Variants in PCLO observed in about 807,000 individuals in gnomAD.
PCLO encodes the protein protein piccolo.
Under a neutral mutation model 427.5 loss-of-function variants are expected in PCLO, and 82 were observed. The observed-to-expected ratio is 0.19, with a 90% CI of 0.16 to 0.23. The LOEUF (loss-of-function observed/expected upper bound fraction) is 0.23, where lower values mean the gene tolerates loss of function less well. Ranked by LOEUF, PCLO falls within the 10% of genes least tolerant of loss-of-function variation. PCLO has a pLI of 1.00. For missense variants in PCLO, 6,239 were observed against 6,115.9 expected (o/e 1.02, Z -0.67); for synonymous variants, 2,357 against 2,155.4 (o/e 1.09, Z -2.59).
Position 82,956,624 on chromosome 7 carries a change from A to T in PCLO, c.4329T>A (p.Pro1443=). Residue 1443 remains proline (P), a synonymous_variant, in exon 5 of 25, where the codon CCT becomes CCA. Transcript: ENST00000333891. ...EKKTQPHEVS[P]EQPKDQEKTQ... ...TTTTCTCTTGGTCTTTAGGCTGTTC[A>T]GGAGAAACTTCATGGGGTTGTGTTT... 2 of 1,613,866 alleles carry T rather than the reference A, an allele frequency of 1.2e-6. No homozygotes were observed. The highest frequency in any genetic ancestry group is 2.7e-5 in the African/African-American group (2 of 75,042).
chr7:82,978,625 A>G (rs1796076570), intron 3 of PCLO, among the ~76,000 whole-genome samples: 1 of 152,172 alleles, frequency 6.6e-6, no homozygotes, highest in African/African-American at 2.4e-5. Flanking sequence ...GCATGAATAT[A>G]CAACATATAC....
intron 9 of PCLO, among the ~76,000 whole-genome samples, chr7:82,895,246 GAAAA>G (rs1793873535): frequency 6.6e-6 from 1 of 151,334 alleles, no homozygotes; most frequent in African/African-American, 2.4e-5. Context: ...ATAGGTAAGA[GAAAA>G]AATTACAAGG....
At chr7:82,926,518 T>C (rs1420086042) in intron 6 of PCLO, among the ~76,000 whole-genome samples, 1 of 152,186 alleles carries the variant, frequency 6.6e-6, no homozygotes, top group Non-Finnish European at 1.5e-5. Context: ...AAGTTATTTA[T>C]CAAAGTCTAG....
chr7:82,758,825 G>T (rs1022636135), intron 24 of PCLO, 110 bp from the exon 25 acceptor site: 4 of 624,534 alleles, frequency 6.4e-6, no homozygotes, highest in Non-Finnish European at 1.1e-5. Context: ...GCACGAAAGA[G>T]GGTGACGCTG....
At chr7:82,794,472 T>TTTTTTTTTTTTTTTTTTTTTTC in intron 22 of PCLO, among the ~76,000 whole-genome samples, 1 of 99,272 alleles carries the variant, frequency 1.0e-5, no homozygotes, top group Non-Finnish European at 2.0e-5. Flanking sequence ...TTTTTTTTTT[T>TTTTTTTTTTTTTTTTTTTTTTC]TTTTTTTTTT....
intron 3 of PCLO, among the ~76,000 whole-genome samples, chr7:83,122,286 C>CTTTTTTTTTTTTTTTTTTTTTTTTT (rs71074624): frequency 7.8e-6 from 1 of 128,300 alleles, no homozygotes; most frequent in Non-Finnish European, 1.6e-5. Context: ...CTTTTCTTTT[C>CTTTTTTTTTTTTTTTTTTTTTTTTT]TTTTTTTTTT....
chr7:83,078,667 G>C (rs1790018862), intron 3 of PCLO, among the ~76,000 whole-genome samples: 1 of 151,928 alleles, frequency 6.6e-6, no homozygotes, highest in Non-Finnish European at 1.5e-5. Flanking sequence ...GAGTAGCTGG[G>C]ACTACAGGTG....
Position 82,821,972 on chromosome 7 carries a change from T to C in PCLO, c.14791+523A>G, listed in dbSNP as rs559970303. On this transcript the variant is annotated intron_variant, in intron 20 of 24. Coordinates refer to ENST00000333891, the MANE Select transcript of PCLO (RefSeq NM_033026.6). ...AGTGTTTTAAAGCACTGTCTTGAAA[T>C]GGCTTTTCCTCCAAGGTTCTAGAAG... The C allele has an allele frequency of 7.1e-6, 7 of 986,110 alleles. No individual in the cohort carries two copies. In the African/African-American group the frequency reaches 1.2e-4, roughly 17 times the overall value. The allele number at this position is 986,110 out of a possible 1,614,324, so 61.1% of individuals were successfully genotyped here. A position where few individuals can be genotyped will look rare whatever the true frequency, so the allele number is the denominator to read the frequency against.
chr7:82,966,496 A>G lies in PCLO; in HGVS notation c.3301-9T>C. 1 of 1,490,094 alleles carries G rather than the reference A, an allele frequency of 6.7e-7. No homozygotes were observed. Among genetic ancestry groups the G allele is most frequent in the Non-Finnish European group, 9.1e-7 (1 of 1,098,152 alleles). 92.3% of individuals were successfully genotyped at this position (1,490,094 alleles called of 1,614,324 possible). On this transcript the variant is annotated splice_polypyrimidine_tract_variant and intron_variant, in intron 3 of 24. Coordinates refer to ENST00000333891, the MANE Select transcript of PCLO (RefSeq NM_033026.6). ...CAAAGCCATTCTTGAATCTGTGGGA[A>G]AAAAATTACAATGAACAGATTGAAT...
intron 6 of PCLO, among the ~76,000 whole-genome samples, chr7:82,917,612 T>C (rs1045242251): frequency 6.6e-6 from 1 of 152,078 alleles, no homozygotes; most frequent in African/African-American, 2.4e-5. Context: ...AATTTTAGGA[T>C]ATCAAAAGAC....
At chr7:82,971,408 A>ATGTG (rs927691405) in intron 3 of PCLO, among the ~76,000 whole-genome samples, 2 of 150,702 alleles carry the variant, frequency 1.3e-5, no homozygotes, top group African/African-American at 4.9e-5. Flanking sequence ...TTTTATGTGT[A>ATGTG]TGTGTGTGTG....
At chr7:82,983,382 GC>G (rs1796190782) in intron 3 of PCLO, among the ~76,000 whole-genome samples, 1 of 150,436 alleles carries the variant, frequency 6.6e-6, no homozygotes, top group South Asian at 2.1e-4. Context: ...GTTCCCTCTG[GC>G]TTTATTTAAT....
chr7:83,095,272 T>C lies in PCLO; in HGVS notation c.3300+38978A>G, dbSNP rs192889938. Among the ~76,000 whole-genome samples, 302 of 152,242 alleles carry C rather than the reference T, an allele frequency of 2.0e-3. 2 individuals carry two copies. The highest frequency in any genetic ancestry group is 6.9e-3 in the African/African-American group (285 of 41,570). On this transcript the variant is annotated intron_variant, in intron 3 of 24. Transcript: ENST00000333891. ...TTGTTTGTAGCATTTCCTTCTCTTT[T>C]AATTTCTACAGGATATGTACTGATA... is the stretch of plus-strand genomic sequence containing the variant.
Position 82,801,587 on chromosome 7 carries a change from T to C in PCLO, c.14938A>G (p.Lys4980Glu), listed in dbSNP as rs773337307. The C allele has an allele frequency of 1.9e-6, 3 of 1,570,342 alleles. No homozygotes were observed. Among genetic ancestry groups the C allele is most frequent in the Non-Finnish European group, 2.6e-6 (3 of 1,140,846 alleles). Residue 4980 changes from lysine to glutamate, a missense_variant, in exon 22 of 25, where the codon AAG becomes GAG. Coordinates refer to ENST00000333891, the MANE Select transcript of PCLO (RefSeq NM_033026.6). ...GGCTCTTGTCCATTCTGTCCCATCT[T>C]CCCTCTGTTTAGAAATAAAATAAAA... The part of the protein sequence containing the change: ...TNLFPIPRIG[K>E]MGQNGQEPVK...
In PCLO at chr7:82,824,231, C is replaced by A; in HGVS notation, c.14596+5G>T. 2 of 1,588,702 alleles carry A rather than the reference C, an allele frequency of 1.3e-6. No individual in the cohort carries two copies. Among genetic ancestry groups the A allele is most frequent in the South Asian group, 2.3e-5 (2 of 87,324 alleles). On this transcript the variant is annotated splice_donor_5th_base_variant and intron_variant, in intron 19 of 24. Coordinates refer to ENST00000333891, the MANE Select transcript of PCLO (RefSeq NM_033026.6). ...ACTTTTTCTACTTAAAAAAATATTTCCTACCCTTTGATGGGTCAGGGAAGA... is the reference window on the plus strand; with the variant it reads ...ACTTTTTCTACTTAAAAAAATATTTACTACCCTTTGATGGGTCAGGGAAGA...
chr7:83,124,086 G>T (rs4732497), intron 3 of PCLO, among the ~76,000 whole-genome samples: 36 of 150,448 alleles, frequency 2.4e-4, no homozygotes, highest in Non-Finnish European at 5.9e-5. Flanking sequence ...GGAGGCGGGC[G>T]GATCATGAGG....
chr7:83,143,479 C>G (rs1364767401), intron 2 of PCLO, among the ~76,000 whole-genome samples: 7 of 152,156 alleles, frequency 4.6e-5, no homozygotes, highest in African/African-American at 1.7e-4. Flanking sequence ...ATTACAATTT[C>G]TGCTATGTAA....
chr7:82,845,841 T>C (rs544613174), intron 12 of PCLO, among the ~76,000 whole-genome samples: 2 of 152,262 alleles, frequency 1.3e-5, no homozygotes, highest in South Asian at 2.1e-4. Flanking sequence ...AAATTTTACA[T>C]AGTTCTTTCT....
intron 3 of PCLO, among the ~76,000 whole-genome samples, chr7:83,041,211 G>A (rs1188503846): frequency 1.3e-5 from 2 of 152,076 alleles, no homozygotes; most frequent in African/African-American, 4.8e-5. Context: ...AGGTGGTTAT[G>A]AGGCAATATG....
Sources: gnomAD v4.1 joint callset for allele counts (sites outside exome capture counted in the v4.1 genomes callset) on GRCh38, gnomAD v4.1.1 for gene constraint, MANE v1.5 for transcripts, NCBI Gene and HGNC (gene_info 2026-07-23, HGNC 2026-07-21) for gene names.